The following SLC38A4 variants were observed in gnomAD, a reference collection of about 807,000 sequenced individuals.
The protein encoded by SLC38A4 is sodium-coupled neutral amino acid transporter 4.
SLC38A4 carries 20 observed loss-of-function variants against 63.1 expected under a neutral mutation model. That is an observed-to-expected ratio of 0.32 (90% CI 0.22 to 0.46). SLC38A4 has a LOEUF of 0.46. Among genes scored for constraint, SLC38A4 ranks in the 20% least tolerant of loss-of-function variants. The pLI is 1.00. For missense variants in SLC38A4, 526 were observed against 663.6 expected (o/e 0.79, Z 2.28); for synonymous variants, 230 against 225.5 (o/e 1.02, Z -0.18).
At chr12:46,777,037 T>A in intron 12 of SLC38A4, 33 bp from the exon 13 acceptor site, 1 of 1,537,060 alleles carries the variant, frequency 6.5e-7, no homozygotes, top group South Asian at 1.2e-5. Flanking sequence ...GCTTTGTTTT[T>A]TAAACTTACA....
chr12:46,796,872 T>C (rs1006590144), intron 2 of SLC38A4, among the ~76,000 whole-genome samples: 36 of 152,130 alleles, frequency 2.4e-4, no homozygotes, highest in African/African-American at 8.2e-4. Flanking sequence ...TGGTTGCCCA[T>C]GATCTATGCC....
chr12:46,800,385 T>C (rs1337357170), intron 2 of SLC38A4, among the ~76,000 whole-genome samples: 1 of 152,106 alleles, frequency 6.6e-6, no homozygotes, highest in East Asian at 1.9e-4. Context: ...CATAGCTCTT[T>C]AGTCTCATAC....
chr12:46,824,230 A>G (rs1201425314), intron 1 of SLC38A4: 1 of 152,230 alleles, frequency 6.6e-6, no homozygotes, highest in African/African-American at 2.4e-5. Flanking sequence ...TAACTAAGGT[A>G]AAGTAACAGA....
Position 46,778,638 on chromosome 12 carries a change from T to C in SLC38A4, c.856A>G (p.Met286Val), listed in dbSNP as rs759050345. The change falls in exon 11 of 17, where the codon ATG (methionine) becomes GTG (valine). Residue 286 changes from methionine (M) to valine (V), a missense_variant. Physicochemically the swap from Met to Val is conservative, Grantham distance 21. Coordinates refer to ENST00000266579, the MANE Select transcript of SLC38A4 (RefSeq NM_018018.5). Reference protein sequence around the residue: ...NNSESSDVNFMMDYTHRNPAG... With the variant: ...NNSESSDVNFVMDYTHRNPAG... ...GGATTGCGGTGGGTGTAATCCATCA[T>C]GAAGTTCACATCAGAACTCTCAGAG... 18 of 1,613,076 alleles carry C rather than the reference T, an allele frequency of 1.1e-5. No individual in the cohort carries two copies. The highest frequency in any genetic ancestry group is 1.4e-5 in the Non-Finnish European group (17 of 1,179,420).
intron 2 of SLC38A4, among the ~76,000 whole-genome samples, chr12:46,794,776 G>C (rs1938965435): frequency 2.0e-5 from 3 of 151,860 alleles, no homozygotes; most frequent in African/African-American, 4.8e-5. Flanking sequence ...ACTAGGGTGA[G>C]ACAAAACAGA....
rs1228626169 is a variant in SLC38A4 at position 46,766,238 on chromosome 12, A to G, written c.*463T>C. On this transcript the variant is annotated 3_prime_UTR_variant, in exon 17 of 17. Coordinates refer to ENST00000266579, the MANE Select transcript of SLC38A4 (RefSeq NM_018018.5). ...TTTTGCCTCTGTTAGTAAACAGACC[A>G]GAGACTTTGGTGCAAGACTGAGAGA... The G allele has an allele frequency of 3.4e-5, 13 of 385,646 alleles. No individual in the cohort carries two copies. The East Asian group carries it at 8.7e-4, about 26-fold the overall frequency. 23.9% of individuals were successfully genotyped at this position (385,646 alleles called of 1,614,324 possible).
chr12:46,794,889 A>G (rs949655184), intron 2 of SLC38A4, among the ~76,000 whole-genome samples: 9 of 152,098 alleles, frequency 5.9e-5, no homozygotes, highest in Non-Finnish European at 1.2e-4. Flanking sequence ...AAATGAAACT[A>G]TTATTAATAT....
chr12:46,766,857 G>GA (rs1412057919), intron 16 of SLC38A4, 55 bp from the exon 17 acceptor site: 1 of 1,270,664 alleles, frequency 7.9e-7, no homozygotes, highest in East Asian at 2.4e-5. Context: ...AGTACAATTT[G>GA]TTTTTTAGTT....
At chr12:46,783,059 T>TGTGTGTGTGTGTGTG (rs10691484) in intron 7 of SLC38A4, among the ~76,000 whole-genome samples, 2 of 136,280 alleles carry the variant, frequency 1.5e-5, no homozygotes, top group African/African-American at 5.6e-5. Context: ...TGTGTGTGTG[T>TGTGTGTGTGTGTGTG]TAGGGTTGGA....
intron 12 of SLC38A4, among the ~76,000 whole-genome samples, chr12:46,777,992 T>C (rs1938565474): frequency 1.3e-5 from 2 of 152,036 alleles, no homozygotes; most frequent in African/African-American, 4.8e-5. Context: ...CCGAACAAAA[T>C]TCAAATTTAA....
intron 2 of SLC38A4, among the ~76,000 whole-genome samples, chr12:46,795,862 C>A (rs929102077): frequency 6.6e-6 from 1 of 152,008 alleles, no homozygotes. Context: ...CCTTTCATCA[C>A]GACGTGACTA....
intron 7 of SLC38A4, among the ~76,000 whole-genome samples, chr12:46,781,044 T>C (rs1387436153): frequency 6.6e-6 from 1 of 152,060 alleles, no homozygotes; most frequent in African/African-American, 2.4e-5. Flanking sequence ...CTTCACTTCA[T>C]ATGAAAGTAA....
chr12:46,770,231 T>C (rs1020774968), intron 14 of SLC38A4, among the ~76,000 whole-genome samples: 3 of 151,872 alleles, frequency 2.0e-5, no homozygotes, highest in Non-Finnish European at 2.9e-5. Flanking sequence ...TTACACAAGA[T>C]TGTGAAAGGA....
At chr12:46,773,704 T>G (rs533123220) in intron 14 of SLC38A4, among the ~76,000 whole-genome samples, 1 of 152,104 alleles carries the variant, frequency 6.6e-6, no homozygotes, top group Non-Finnish European at 1.5e-5. Context: ...CCCTCAGTGT[T>G]GGGCTATGAG....
chr12:46,768,487 T>G, intron 15 of SLC38A4, 80 bp from the exon 16 acceptor site: 1 of 924,998 alleles, frequency 1.1e-6, no homozygotes. Flanking sequence ...ACACTTTAAA[T>G]AAACCAAATA....
intron 6 of SLC38A4, 22 bp from the exon 7 acceptor site, chr12:46,784,656 C>T: frequency 1.3e-6 from 2 of 1,574,354 alleles, no homozygotes; most frequent in Non-Finnish European, 8.7e-7. Context: ...GATAAAATAG[C>T]CTTGTTAAAG....
chr12:46,816,133 A>T (rs1047843645), intron 1 of SLC38A4, among the ~76,000 whole-genome samples: 1 of 151,960 alleles, frequency 6.6e-6, no homozygotes, highest in African/African-American at 2.4e-5. Flanking sequence ...TTAAAGAAAC[A>T]TACAAAAATA....
chr12:46,799,557 A>G (rs1236002714), intron 2 of SLC38A4, among the ~76,000 whole-genome samples: 1 of 152,102 alleles, frequency 6.6e-6, no homozygotes, highest in African/African-American at 2.4e-5. Flanking sequence ...AGATTGCACC[A>G]CTGCATTCCA....
intron 1 of SLC38A4, among the ~76,000 whole-genome samples, chr12:46,822,452 C>A (rs1939569415): frequency 6.6e-6 from 1 of 152,086 alleles, no homozygotes; most frequent in Non-Finnish European, 1.5e-5. Flanking sequence ...GGTTGAGAGA[C>A]AACTTACTCA....
Sources: gnomAD v4.1 joint callset for allele counts (sites outside exome capture counted in the v4.1 genomes callset) on GRCh38, gnomAD v4.1.1 for gene constraint, MANE v1.5 for transcripts, NCBI Gene and HGNC (gene_info 2026-07-23, HGNC 2026-07-21) for gene names.